PCLO: variants seen among roughly 807,000 people sequenced by gnomAD.
PCLO encodes the protein protein piccolo.
A neutral mutation model predicts 427.5 loss-of-function variants in PCLO; 82 were observed. That is an observed-to-expected ratio of 0.19 (90% confidence interval 0.16 to 0.23). PCLO has a LOEUF of 0.23. Ranked by LOEUF, PCLO falls within the 10% of genes least tolerant of loss-of-function variation. The pLI is 1.00. For missense variants in PCLO, 6,239 were observed against 6,115.9 expected, an observed-to-expected ratio of 1.02 and a Z score of -0.67; for synonymous variants, 2,357 against 2,155.4, an observed-to-expected ratio of 1.09 and a Z score of -2.59.
In PCLO at chr7:83,039,253, C is replaced by T. The variant is rs1583943867; in HGVS notation, c.3301-72766G>A. Among the ~76,000 whole-genome samples, 13 of 151,942 alleles carry T rather than the reference C, an allele frequency of 8.6e-5. No homozygotes were observed. The South Asian group carries it at 2.7e-3, about 32-fold the overall frequency. On this transcript the variant is annotated intron_variant, in intron 3 of 24. Coordinates refer to ENST00000333891, the MANE Select transcript of PCLO (RefSeq NM_033026.6). ...CTAATTCATTTTTTCTTTTGTTGCTCATACTTTTGGGGCCAGATCTATGAA... is the reference window on the plus strand; with the variant it reads ...CTAATTCATTTTTTCTTTTGTTGCTTATACTTTTGGGGCCAGATCTATGAA...
chr7:82,985,397 T>C (rs1391468016), intron 3 of PCLO, among the ~76,000 whole-genome samples: 1 of 152,086 alleles, frequency 6.6e-6, no homozygotes, highest in Non-Finnish European at 1.5e-5. Context: ...AGGAATATTC[T>C]GTGACAGGCA....
intron 20 of PCLO, among the ~76,000 whole-genome samples, chr7:82,809,125 T>A (rs1169760706): frequency 6.6e-6 from 1 of 151,912 alleles, no homozygotes; most frequent in African/African-American, 2.4e-5. Context: ...AACTTTTTTT[T>A]AACAAATAAA....
At chr7:82,893,903 G>A (rs13234169) in intron 9 of PCLO, among the ~76,000 whole-genome samples, 2 of 151,562 alleles carry the variant, frequency 1.3e-5, no homozygotes, top group East Asian at 1.9e-4. Flanking sequence ...TTATGCACAC[G>A]AAATCAATAC....
chr7:82,761,990 G>A (rs372724221), intron 22 of PCLO, among the ~76,000 whole-genome samples: 20 of 152,106 alleles, frequency 1.3e-4, no homozygotes, highest in Admixed American at 7.9e-4. Flanking sequence ...CAATTCATGC[G>A]TTAATTCACT....
At position 83,162,700 on chromosome 7, in the gene PCLO, A is replaced by G; in HGVS notation, c.-108T>C. On this transcript the variant is annotated 5_prime_UTR_variant, in exon 1 of 25. Transcript: ENST00000333891. The stretch of plus-strand genomic sequence containing the variant: ...AGCCGGGGTCCGCCTCGGGGCGTGC[A>G]GGCAGCCGAGTCCCTGGACTCTGGA... 1 of 1,371,186 alleles carries G rather than the reference A, an allele frequency of 7.3e-7. No homozygotes were observed. Among genetic ancestry groups the G allele is most frequent in the South Asian group, 1.5e-5 (1 of 66,404 alleles). 84.9% of individuals were successfully genotyped at this position (1,371,186 alleles called of 1,614,324 possible).
intron 3 of PCLO, among the ~76,000 whole-genome samples, chr7:83,033,759 C>G (rs1220299638): frequency 2.0e-5 from 3 of 152,190 alleles, no homozygotes; most frequent in African/African-American, 7.2e-5. Flanking sequence ...CCACTTTGTA[C>G]TACTCTTTAT....
intron 3 of PCLO, among the ~76,000 whole-genome samples, chr7:83,027,022 AC>A (rs1320143985): frequency 3.1e-5 from 3 of 97,616 alleles, no homozygotes; most frequent in East Asian, 4.8e-4. Flanking sequence ...CAAAATTGAC[AC>A]CCTAACATCA....
intron 3 of PCLO, among the ~76,000 whole-genome samples, chr7:83,098,888 T>G (rs1353655298): frequency 6.6e-6 from 1 of 152,050 alleles, no homozygotes; most frequent in African/African-American, 2.4e-5. Context: ...TGGCAACTAT[T>G]TCACACAAGA....
At chr7:82,776,307 A>T (rs370262414) in intron 22 of PCLO, among the ~76,000 whole-genome samples, 3 of 152,200 alleles carry the variant, frequency 2.0e-5, no homozygotes, top group South Asian at 2.1e-4. Context: ...AAATGTAAAA[A>T]CTGGGCCGGG....
intron 22 of PCLO, among the ~76,000 whole-genome samples, chr7:82,762,621 A>ATT (rs1410482472): frequency 6.9e-6 from 1 of 144,558 alleles, no homozygotes; most frequent in African/African-American, 2.6e-5. Context: ...AAAAGTAGAT[A>ATT]TTTAAAAATA....
chr7:82,992,675 G>A (rs1796405323), intron 3 of PCLO, among the ~76,000 whole-genome samples: 1 of 151,876 alleles, frequency 6.6e-6, no homozygotes, highest in Non-Finnish European at 1.5e-5. Context: ...CGGGTTCATA[G>A]GTGCAGCAAA....
At chr7:82,995,293 C>A (rs370067018) in intron 3 of PCLO, among the ~76,000 whole-genome samples, 71 of 151,994 alleles carry the variant, frequency 4.7e-4, no homozygotes, top group African/African-American at 1.6e-3. Flanking sequence ...AGGTGGAACA[C>A]AGGAAAGAGA....
At chr7:83,057,588 C>G (rs1789433965) in intron 3 of PCLO, among the ~76,000 whole-genome samples, 2 of 150,194 alleles carry the variant, frequency 1.3e-5, no homozygotes, top group South Asian at 4.2e-4. Flanking sequence ...GTCTCGATCT[C>G]CTGACCTCGT....
At chr7:82,908,479 C>T (rs747503329) in intron 8 of PCLO, among the ~76,000 whole-genome samples, 2 of 152,082 alleles carry the variant, frequency 1.3e-5, no homozygotes, top group Admixed American at 6.6e-5. Context: ...CCAGCTCACT[C>T]GGTTTGGCCA....
At position 82,824,251 on chromosome 7, in the gene PCLO, G is replaced by A; in HGVS notation, c.14581C>T (p.Pro4861Ser). 2 of 1,611,978 alleles carry A rather than the reference G, an allele frequency of 1.2e-6. No homozygotes were observed. The highest frequency in any genetic ancestry group is 1.7e-6 in the Non-Finnish European group (2 of 1,178,834). Reference protein sequence around the residue: ...VIKSRSHGIFPDPSKDMQVPT... With the variant: ...VIKSRSHGIFSDPSKDMQVPT... ...TATTTCCTACCCTTTGATGGGTCAGGGAAGATACCATGGCTTCTGCTTTTG... is the reference window on the plus strand; with the variant it reads ...TATTTCCTACCCTTTGATGGGTCAGAGAAGATACCATGGCTTCTGCTTTTG... Residue 4861 changes from proline to serine, a missense_variant, in exon 19 of 25, where the codon CCT (proline) becomes TCT (serine). This residue lies in a region of PCLO where 877 missense variants were observed against 925.5 expected (regional missense o/e 0.95). Coordinates refer to ENST00000333891, the MANE Select transcript of PCLO (RefSeq NM_033026.6).
chr7:82,971,300 G>A (rs970810117), intron 3 of PCLO, among the ~76,000 whole-genome samples: 2 of 151,472 alleles, frequency 1.3e-5, no homozygotes, highest in African/African-American at 4.8e-5. Context: ...ATTGTGATAC[G>A]CATGATTATT....
chr7:82,988,676 A>C (rs1796307583), intron 3 of PCLO, among the ~76,000 whole-genome samples: 1 of 152,110 alleles, frequency 6.6e-6, no homozygotes, highest in African/African-American at 2.4e-5. Flanking sequence ...TGATACATGT[A>C]AGGTATTTCC....
In PCLO at chr7:82,950,965, T is replaced by C. The variant is rs746515933; in HGVS notation, c.9623A>G (p.Asp3208Gly). ...CAAGTCTAGCTGCTGCTGTTGTTTA[T>C]CTTCTTCAGGGACAATTAAAAGAGC... ...ESALLIVPEE[D>G]KQQQQLDLER... is the part of the protein sequence containing the mutation. The change falls in exon 6 of 25, where the codon GAT becomes GGT. Residue 3208 changes from aspartate (D) to glycine (G), a missense_variant. Around this residue, in one of 5 missense-constraint regions of PCLO, gnomAD observed 4,677 missense variants for 4,468.4 expected, o/e 1.05. Coordinates refer to ENST00000333891, the MANE Select transcript of PCLO (RefSeq NM_033026.6). 2.5e-6 allele frequency: 4 copies of C among 1,613,646 alleles called. No individual in the cohort carries two copies. Among genetic ancestry groups the C allele is most frequent in the Non-Finnish European group, 3.4e-6 (4 of 1,179,862 alleles).
chr7:82,814,762 G>A lies in PCLO; in HGVS notation c.14791+7733C>T, dbSNP rs185585995. On this transcript the variant is annotated intron_variant, in intron 20 of 24. Coordinates refer to ENST00000333891, the MANE Select transcript of PCLO (RefSeq NM_033026.6). ...TCCACTGTACACTCGAGAAAAAAAT[G>A]AGAGCAAAAAAGCAAATAACATGTT... 3.0e-3 allele frequency among the ~76,000 whole-genome samples: 463 copies of A among 151,944 alleles called. 2 individuals are homozygous for A. The highest frequency in any genetic ancestry group is 5.4e-3 in the Non-Finnish European group (366 of 67,872).
Sources: gnomAD v4.1 joint callset for allele counts (sites outside exome capture counted in the v4.1 genomes callset) on GRCh38, gnomAD v4.1.1 for gene constraint, gnomAD v4.1.1 regional missense constraint, MANE v1.5 for transcripts, NCBI Gene and HGNC (gene_info 2026-07-23, HGNC 2026-07-21) for gene names.